Variants in RAB40C observed in about 807,000 individuals in gnomAD.
The protein encoded by RAB40C is RAB40C, member RAS oncogene family, also known as ras-related protein Rab-40C.
RAB40C carries 8 observed loss-of-function variants against 28.1 expected under a neutral mutation model. The ratio of observed to expected loss-of-function variants is 0.28; its 90% confidence interval spans 0.17 to 0.51. RAB40C has a LOEUF of 0.51. Ranked by LOEUF, RAB40C falls within the 20% of genes least tolerant of loss-of-function variation. RAB40C has a pLI of 0.97. For missense variants in RAB40C, 288 were observed against 405.9 expected (o/e 0.71, Z 2.50); for synonymous variants, 201 against 171.7 (o/e 1.17, Z -1.34).
chr16:601,403 C>T (rs1330461957), intron 1 of RAB40C, among the ~76,000 whole-genome samples: 1 of 152,156 alleles, frequency 6.6e-6, no homozygotes, highest in East Asian at 1.9e-4. Flanking sequence ...ACAGTGTCCA[C>T]ACGTCAGTTT....
chr16:625,604 C>G, intron 4 of RAB40C, 95 bp downstream of exon 4: 1 of 1,294,322 alleles, frequency 7.7e-7, no homozygotes, highest in Non-Finnish European at 1.1e-6. Flanking sequence ...TGCCGCCCCT[C>G]CTGTGGCCCC....
intron 1 of RAB40C, among the ~76,000 whole-genome samples, chr16:596,999 G>A (rs2036141095): frequency 6.6e-6 from 1 of 152,166 alleles, no homozygotes; most frequent in Non-Finnish European, 1.5e-5. Flanking sequence ...ATTAGCGGAG[G>A]GACAAGGGCA....
At chr16:593,170 G>A (rs1466144553) in intron 1 of RAB40C, among the ~76,000 whole-genome samples, 1 of 152,252 alleles carries the variant, frequency 6.6e-6, no homozygotes, top group African/African-American at 2.4e-5. Flanking sequence ...ACAAGGAGCA[G>A]GTCTTTGTGG....
rs557443228 is a variant in RAB40C, at chr16:628,433, T to A, written c.*811T>A. The A allele has an allele frequency of 6.6e-6, 1 of 152,258 alleles. No individual in the cohort carries two copies. The highest frequency in any genetic ancestry group is 1.5e-5 in the Non-Finnish European group (1 of 68,068). The allele number at this position is 152,258 out of a possible 1,614,324, so 9.4% of individuals were successfully genotyped here. A position where few individuals can be genotyped will look rare whatever the true frequency, so the allele number is the denominator to read the frequency against. ...CTTAGGAATACTTGATGGGCAGCGG[T>A]GCAGACCCCGGGCACCTGCGTGCAG... is the stretch of plus-strand genomic sequence containing the variant. On this transcript the variant is annotated 3_prime_UTR_variant, in exon 6 of 6. Coordinates refer to ENST00000248139, the MANE Select transcript of RAB40C (RefSeq NM_021168.5).
At chr16:602,713 G>A (rs2036279323) in intron 1 of RAB40C, among the ~76,000 whole-genome samples, 2 of 152,158 alleles carry the variant, frequency 1.3e-5, no homozygotes, top group African/African-American at 2.4e-5. Flanking sequence ...GATTACAGGC[G>A]TGAGCCACTG....
chr16:616,949 G>A (rs1243851093), intron 1 of RAB40C: 13 of 480,340 alleles, frequency 2.7e-5, no homozygotes, highest in South Asian at 1.5e-4. Flanking sequence ...TGTGGGGCCC[G>A]ATGGCCTGAC....
At chr16:622,570 C>T (rs758107101) in intron 3 of RAB40C, among the ~76,000 whole-genome samples, 5 of 152,190 alleles carry the variant, frequency 3.3e-5, no homozygotes, top group Admixed American at 2.0e-4. Context: ...TGCCGTGGCG[C>T]GATCTCGGCT....
chr16:590,240 C>A lies in RAB40C; in HGVS notation c.-52C>A. 1 of 1,329,504 alleles carries A rather than the reference C, an allele frequency of 7.5e-7. No homozygotes were observed. The highest frequency in any genetic ancestry group is 9.7e-7 in the Non-Finnish European group (1 of 1,029,082). 82.4% of individuals were successfully genotyped at this position (1,329,504 alleles called of 1,614,324 possible). ...CGCGGGCTCTCTCACGCCGCGGCCT[C>A]ACCCGGCGGTGCTTCGGCAGGCGGC... is the stretch of plus-strand genomic sequence containing the variant. On this transcript the variant is annotated 5_prime_UTR_variant, in exon 1 of 6. Coordinates refer to ENST00000248139, the MANE Select transcript of RAB40C (RefSeq NM_021168.5).
chr16:625,361 C>G, intron 3 of RAB40C, 71 bp from the exon 4 acceptor site: 1 of 1,571,888 alleles, frequency 6.4e-7, no homozygotes. Context: ...GCCCCTGCAC[C>G]TGAGCGTCCC....
chr16:619,236 G>A (rs916479248), intron 3 of RAB40C, among the ~76,000 whole-genome samples: 3 of 150,540 alleles, frequency 2.0e-5, no homozygotes, highest in Non-Finnish European at 3.0e-5. Flanking sequence ...CAGGTCTGGC[G>A]GGGGCACTGG....
In RAB40C at chr16:613,430, C is replaced by T. The variant is rs570154729; in HGVS notation, c.143-3778C>T. ...TCAAGAGCAGGACTGCCGCCCTGGC[C>T]GGTAGAATCAAGAGCACAGTGCAGC... On this transcript the variant is annotated intron_variant, in intron 1 of 5. Transcript: ENST00000248139. 2.0e-3 allele frequency among the ~76,000 whole-genome samples: 309 copies of T among 152,344 alleles called. 2 individuals are homozygous for T. In the Middle Eastern group the frequency reaches 0.02, roughly 10 times the overall value.
chr16:624,003 C>G, intron 3 of RAB40C: 1 of 985,426 alleles, frequency 1.0e-6, no homozygotes, highest in Non-Finnish European at 1.2e-6. Flanking sequence ...TTGCACATCT[C>G]TCCTTGGCCA....
At chr16:616,211 G>A (rs753969216) in intron 1 of RAB40C, among the ~76,000 whole-genome samples, 8 of 149,288 alleles carry the variant, frequency 5.4e-5, no homozygotes, top group Non-Finnish European at 1.0e-4. Context: ...AGCAGAGATC[G>A]CACCACTGCA....
chr16:599,008 C>T (rs574801294), intron 1 of RAB40C, among the ~76,000 whole-genome samples: 5 of 152,314 alleles, frequency 3.3e-5, no homozygotes, highest in Admixed American at 6.5e-5. Context: ...GCAACGTTGT[C>T]GGCCACCTGG....
At chr16:608,020 G>A (rs1168010265) in intron 1 of RAB40C, among the ~76,000 whole-genome samples, 2 of 152,062 alleles carry the variant, frequency 1.3e-5, no homozygotes, top group East Asian at 1.9e-4. Flanking sequence ...CCCTCCACAC[G>A]TTCCTGGGCA....
chr16:596,988 A>T (rs1054320712), intron 1 of RAB40C, among the ~76,000 whole-genome samples: 4 of 152,140 alleles, frequency 2.6e-5, no homozygotes, highest in Non-Finnish European at 5.9e-5. Context: ...GTCCTTCAGA[A>T]ATTAGCGGAG....
chr16:610,391 C>T lies in RAB40C; in HGVS notation c.143-6817C>T, dbSNP rs1202476965. Reference sequence around the variant, plus strand: ...GAGGTGGTGAGCAAGGCCTGTGGCACCCAGCAGATGAGGAGGAGAGCAGGG... The same window carrying T: ...GAGGTGGTGAGCAAGGCCTGTGGCATCCAGCAGATGAGGAGGAGAGCAGGG... On this transcript the variant is annotated intron_variant, in intron 1 of 5. Coordinates refer to ENST00000248139, the MANE Select transcript of RAB40C (RefSeq NM_021168.5). The surrounding 1 kb of genome is among the most constrained non-coding windows in gnomAD (Gnocchi z 4.6). Among the ~76,000 whole-genome samples, 1 of 151,956 alleles carries T rather than the reference C, an allele frequency of 6.6e-6. No homozygotes were observed. The highest frequency in any genetic ancestry group is 1.5e-5 in the Non-Finnish European group (1 of 68,010).
chr16:601,492 T>C (rs1309715126), intron 1 of RAB40C, among the ~76,000 whole-genome samples: 2 of 152,076 alleles, frequency 1.3e-5, no homozygotes, highest in Admixed American at 1.3e-4. Context: ...GGTGCCAGAC[T>C]CCGGGCAGGT....
intron 1 of RAB40C, among the ~76,000 whole-genome samples, chr16:603,655 C>G (rs2036299784): frequency 6.6e-6 from 1 of 152,174 alleles, no homozygotes; most frequent in African/African-American, 2.4e-5. Flanking sequence ...AATGTACCCT[C>G]TTTGCATGTA....
Sources: gnomAD v4.1 joint callset for allele counts (sites outside exome capture counted in the v4.1 genomes callset) on GRCh38, gnomAD v4.1.1 for gene constraint, Gnocchi (gnomAD v3.1) non-coding constraint, MANE v1.5 for transcripts, NCBI Gene and HGNC (gene_info 2026-07-23, HGNC 2026-07-21) for gene names.